Variants in DNAH14 observed in about 807,000 individuals in gnomAD.
DNAH14 encodes the protein dynein axonemal heavy chain 14, also known as axonemal beta dynein heavy chain 14.
DNAH14 carries 478 observed loss-of-function variants against 520.9 expected under a neutral mutation model. That is an observed-to-expected ratio of 0.92 (90% CI 0.85 to 0.99). The LOEUF is 0.99. Ranked by LOEUF, DNAH14 falls within the 50% of genes least tolerant of loss-of-function variation. The pLI, the probability that DNAH14 is intolerant of heterozygous loss-of-function variation, is 0.00. For missense variants in DNAH14, 4,831 were observed against 5,234.5 expected, an observed-to-expected ratio of 0.92 and a Z score of 2.38; for synonymous variants, 1,581 against 1,757.2, an observed-to-expected ratio of 0.90 and a Z score of 2.51.
intron 76 of DNAH14, among the ~76,000 whole-genome samples, chr1:225,366,779 G>A (rs2095557843): frequency 6.6e-6 from 1 of 150,634 alleles, no homozygotes; most frequent in African/African-American, 2.4e-5. Flanking sequence ...TTACACTCCA[G>A]GGGTTGTAAA....
chr1:225,352,528 G>C (rs1217243927), intron 72 of DNAH14, among the ~76,000 whole-genome samples: 4 of 152,054 alleles, frequency 2.6e-5, no homozygotes, highest in Non-Finnish European at 5.9e-5. Flanking sequence ...TTATTTTTAT[G>C]TTAACAGTTG....
At position 225,103,968 on chromosome 1, in the gene DNAH14, C is replaced by T. The variant is rs965167237; in HGVS notation, c.3867+3084C>T. Among the ~76,000 whole-genome samples, 3 of 143,384 alleles carry T rather than the reference C, an allele frequency of 2.1e-5. No homozygotes were observed. The East Asian group carries it at 7.2e-4, about 34-fold the overall frequency. The allele number at this position is 143,384 out of a possible 152,430, so 94.1% of individuals were successfully genotyped here. A position where few individuals can be genotyped will look rare whatever the true frequency, so the allele number is the denominator to read the frequency against. On this transcript the variant is annotated intron_variant, in intron 23 of 85. Transcript: ENST00000682510. ...GAGAGAGGGCATCCCTGTCTTGTGC[C>T]AGTTTTCAAAGGGAATGCTTCCAGT...
At chr1:225,193,360 TAGATA>T (rs999711202) in intron 38 of DNAH14, among the ~76,000 whole-genome samples, 106 of 152,206 alleles carry the variant, frequency 7.0e-4, no homozygotes, top group African/African-American at 2.2e-3. Context: ...TAAATATCAT[TAGATA>T]AAACACATTA....
At chr1:224,998,018 T>C (rs1033959314) in intron 8 of DNAH14, among the ~76,000 whole-genome samples, 5 of 152,170 alleles carry the variant, frequency 3.3e-5, no homozygotes, top group Non-Finnish European at 7.4e-5. Context: ...TGAGTTGTTG[T>C]AGTTTGTGTT....
At chr1:225,060,008 G>A (rs1312333148) in intron 17 of DNAH14, among the ~76,000 whole-genome samples, 1 of 151,460 alleles carries the variant, frequency 6.6e-6, no homozygotes, top group Non-Finnish European at 1.5e-5. Flanking sequence ...ATGTGTCTTG[G>A]AGTTGCTCTT....
At chr1:225,331,969 C>T (rs1230819724) in intron 65 of DNAH14, among the ~76,000 whole-genome samples, 4 of 150,272 alleles carry the variant, frequency 2.7e-5, no homozygotes, top group East Asian at 1.9e-4. Flanking sequence ...AAAATTCTCC[C>T]TTTTTTTTTA....
At chr1:225,344,405 G>A (rs1408142230) in intron 69 of DNAH14, among the ~76,000 whole-genome samples, 3 of 152,022 alleles carry the variant, frequency 2.0e-5, no homozygotes, top group Non-Finnish European at 4.4e-5. Context: ...ATCGGTTCCT[G>A]TATCTGTTGT....
At chr1:225,335,887 A>G (rs1157258748) in intron 66 of DNAH14, among the ~76,000 whole-genome samples, 2 of 25,928 alleles carry the variant, frequency 7.7e-5, no homozygotes, top group Non-Finnish European at 1.4e-4. Context: ...ACATATATGT[A>G]CATATACATA....
At chr1:225,045,893 G>T (rs1442904953) in intron 15 of DNAH14, among the ~76,000 whole-genome samples, 1 of 151,934 alleles carries the variant, frequency 6.6e-6, no homozygotes, top group Non-Finnish European at 1.5e-5. Context: ...TGAAAATTTT[G>T]CCCACTAATT....
chr1:225,346,552 C>T lies in DNAH14; in HGVS notation c.11194C>T (p.Gln3732Ter), dbSNP rs759466678. The T allele has an allele frequency of 1.3e-6, 2 of 1,550,870 alleles. No homozygotes were observed. Among genetic ancestry groups the T allele is most frequent in the Non-Finnish European group, 8.7e-7 (1 of 1,146,440 alleles). ...AAACAATGCTAATGGAAATCTAATA[C>T]AGGATGACATTGGATTCCTACCAGA... The part of the protein sequence containing the change: ...MQNNANGNLI[Q>*]DDIGFLPEEE... The change falls in exon 71 of 86, where the codon CAG becomes TAG. Residue 3732 changes from glutamine (Q) to a stop codon, truncating the protein, a stop_gained. Transcript: ENST00000682510. LOFTEE classifies it high-confidence loss of function.
chr1:225,180,511 G>A (rs1017434149), intron 36 of DNAH14, among the ~76,000 whole-genome samples: 4 of 151,928 alleles, frequency 2.6e-5, no homozygotes, highest in Admixed American at 2.0e-4. Context: ...ATGTGTAGAT[G>A]TAACACGGTA....
At chr1:225,231,260 T>A in intron 42 of DNAH14, 109 bp downstream of exon 42, 2 of 709,088 alleles carry the variant, frequency 2.8e-6, no homozygotes, top group Non-Finnish European at 4.4e-6. Flanking sequence ...ATTTTCATAG[T>A]ATCAGAATCC....
At chr1:225,322,013 C>A (rs1273019575) in intron 61 of DNAH14, among the ~76,000 whole-genome samples, 2 of 151,758 alleles carry the variant, frequency 1.3e-5, no homozygotes, top group Non-Finnish European at 2.9e-5. Flanking sequence ...TAAATCAACC[C>A]TGGACTGAAA....
intron 23 of DNAH14, among the ~76,000 whole-genome samples, chr1:225,101,838 T>C (rs2075495072): frequency 6.6e-6 from 1 of 152,216 alleles, no homozygotes; most frequent in Non-Finnish European, 1.5e-5. Context: ...AGATATGTCT[T>C]CAGTATACTG....
intron 17 of DNAH14, among the ~76,000 whole-genome samples, chr1:225,072,876 G>C (rs1419748705): frequency 6.6e-6 from 1 of 152,098 alleles, no homozygotes; most frequent in Non-Finnish European, 1.5e-5. Context: ...CCCTTCTCCT[G>C]GGAGTGCCAT....
At position 225,270,809 on chromosome 1, in the gene DNAH14, C is replaced by G; in HGVS notation, c.7614C>G (p.His2538Gln). The G allele has an allele frequency of 1.9e-6, 3 of 1,551,328 alleles. No individual in the cohort carries two copies. Among genetic ancestry groups the G allele is most frequent in the Non-Finnish European group, 2.6e-6 (3 of 1,146,800 alleles). The change falls in exon 50 of 86, where the codon CAC (histidine) becomes CAG (glutamine). Residue 2538 changes from histidine to glutamine, a missense_variant. Physicochemically the swap from His to Gln is conservative, Grantham distance 24. Coordinates refer to ENST00000682510, the MANE Select transcript of DNAH14 (RefSeq NM_001367479.1). ...ATATCAGCCCACGTCTTCTCAAACA[C>G]TTTTCCATGCTGGTATTACCTCATC... ...VNDISPRLLK[H>Q]FSMLVLPHPS...
At chr1:225,040,193 C>T (rs2067348717) in intron 12 of DNAH14, among the ~76,000 whole-genome samples, 1 of 152,056 alleles carries the variant, frequency 6.6e-6, no homozygotes, top group Non-Finnish European at 1.5e-5. Context: ...CCCGCCTCGG[C>T]CTCCCGAAGT....
At position 225,051,537 on chromosome 1, in the gene DNAH14, A is replaced by G. The variant is rs1162708959; in HGVS notation, c.2166A>G (p.Thr722=). Residue 722 remains threonine (T), a synonymous_variant, in exon 17 of 86, where the codon ACA becomes ACG. Coordinates refer to ENST00000682510, the MANE Select transcript of DNAH14 (RefSeq NM_001367479.1). ...SHKFIKYCTM[T]EKAKIMSMKI... ...AGTTTATAAAGTATTGTACCATGAC[A>G]GAAAAGGCCAAAATCATGAGTATGA... 6.4e-7 allele frequency: 1 copy of G among 1,551,136 alleles called. No individual in the cohort carries two copies. The highest frequency in any genetic ancestry group is 1.2e-5 in the South Asian group (1 of 83,998).
At chr1:225,314,739 T>G (rs2094436090) in intron 60 of DNAH14, among the ~76,000 whole-genome samples, 1 of 152,208 alleles carries the variant, frequency 6.6e-6, no homozygotes, top group African/African-American at 2.4e-5. Context: ...GAAAATTATT[T>G]TCTTTAAGAA....
Sources: gnomAD v4.1 joint callset for allele counts (sites outside exome capture counted in the v4.1 genomes callset) on GRCh38, gnomAD v4.1.1 for gene constraint, MANE v1.5 for transcripts, NCBI Gene and HGNC (gene_info 2026-07-23, HGNC 2026-07-21) for gene names.